CGREF1: variants seen among roughly 807,000 people sequenced by gnomAD.
The protein encoded by CGREF1 is cell growth regulator with EF hand domain protein 1.
A neutral mutation model predicts 17.4 loss-of-function variants in CGREF1; 16 were observed. The ratio of observed to expected loss-of-function variants is 0.92; its 90% CI spans 0.62 to 1.40. The LOEUF (loss-of-function observed/expected upper bound fraction) is 1.40, where lower values mean the gene tolerates loss of function less well. Ranked by LOEUF, CGREF1 falls within the 40% of genes most tolerant of loss-of-function variation. The pLI, the probability that CGREF1 is intolerant of heterozygous loss-of-function variation, is 0.00. For synonymous variants in CGREF1, 142 were observed against 154.6 expected (o/e 0.92, Z 0.61); for missense variants, 296 against 376.4 (o/e 0.79, Z 1.77).
Position 27,102,575 on chromosome 2 carries a change from G to T in CGREF1, c.97C>A (p.Gln33Lys), listed in dbSNP as rs781544644. 3 of 1,612,942 alleles carry T rather than the reference G, an allele frequency of 1.9e-6. No homozygotes were observed. The highest frequency in any genetic ancestry group is 2.5e-6 in the Non-Finnish European group (3 of 1,179,810). Residue 33 changes from glutamine to lysine, a missense_variant, in exon 3 of 6, where the codon CAG (glutamine) becomes AAG (lysine). By Grantham distance (53) the Gln-to-Lys change is moderately conservative. Around this residue, in one of 3 missense-constraint regions of CGREF1, gnomAD observed 247 missense variants for 267.2 expected, o/e 0.92. Transcript: ENST00000402394. ...DGVTRPDSEV[Q>K]HQLLPNPFQP... ...AAGGGGTTGGGCAGGAGCTGATGCT[G>T]CACTTCAGAGTCTGGCCTGGAGGAG...
intron 1 of CGREF1, among the ~76,000 whole-genome samples, chr2:27,117,884 T>A (rs965697202): frequency 6.6e-5 from 10 of 151,864 alleles, no homozygotes; most frequent in African/African-American, 2.4e-4. Context: ...CCTGGCTAAA[T>A]TTTTTTTGTA....
rs1206736210 is a variant in CGREF1, at chr2:27,110,233, G to A, written c.-11-5856C>T. The stretch of plus-strand genomic sequence containing the variant: ...GCCTGGGCAACACCCTGTCTCTACA[G>A]AAAATAATTTTTAAAAAAATTAGCT... On this transcript the variant is annotated intron_variant, in intron 1 of 5. Transcript: ENST00000402394. Among the ~76,000 whole-genome samples, 3 of 151,956 alleles carry A rather than the reference G, an allele frequency of 2.0e-5. No homozygotes were observed. The East Asian group carries it at 5.8e-4, about 29-fold the overall frequency.
intron 1 of CGREF1, among the ~76,000 whole-genome samples, chr2:27,116,498 G>C (rs1671567817): frequency 6.6e-6 from 1 of 151,614 alleles, no homozygotes; most frequent in Non-Finnish European, 1.5e-5. Flanking sequence ...TTGCACTCCA[G>C]CTGGGGTCAC....
chr2:27,117,834 G>C (rs1671641341), intron 1 of CGREF1, among the ~76,000 whole-genome samples: 1 of 151,176 alleles, frequency 6.6e-6, no homozygotes, highest in Non-Finnish European at 1.5e-5. Context: ...TCCTGCCTCA[G>C]CCTCCCGAGT....
At chr2:27,107,011 T>C (rs1671146479) in intron 1 of CGREF1, among the ~76,000 whole-genome samples, 1 of 152,212 alleles carries the variant, frequency 6.6e-6, no homozygotes, top group Admixed American at 6.5e-5. Flanking sequence ...ACCTGGTTGA[T>C]GGCACCCCCA....
chr2:27,116,898 TC>T (rs1433564772), intron 1 of CGREF1, among the ~76,000 whole-genome samples: 55 of 128,592 alleles, frequency 4.3e-4, no homozygotes, highest in Non-Finnish European at 7.6e-4. Context: ...TCTCTCTCTC[TC>T]TCTCTCTCTC....
In CGREF1 at chr2:27,119,102, C is replaced by G. The variant is rs1358843584; in HGVS notation, c.-268G>C. Reference sequence around the variant, plus strand: ...TGCGCCCGCGGCCGGAGGGGCTGCGCGCGCCCGTGTGAGTGTGCGCGTGTG... The same window carrying G: ...TGCGCCCGCGGCCGGAGGGGCTGCGGGCGCCCGTGTGAGTGTGCGCGTGTG... On this transcript the variant is annotated 5_prime_UTR_variant, in exon 1 of 6. Coordinates refer to ENST00000402394, the MANE Select transcript of CGREF1 (RefSeq NM_006569.6). The surrounding 1 kb of genome is among the most constrained non-coding windows in gnomAD (Gnocchi z 5.6). The G allele has an allele frequency of 6.6e-6, 1 of 152,362 alleles. No individual in the cohort carries two copies. The highest frequency in any genetic ancestry group is 1.5e-5 in the Non-Finnish European group (1 of 68,012). The allele number at this position is 152,362 out of a possible 1,614,324, so 9.4% of individuals were successfully genotyped here. A position where few individuals can be genotyped will look rare whatever the true frequency, so the allele number is the denominator to read the frequency against.
chr2:27,110,136 T>C (rs1489257093), intron 1 of CGREF1, among the ~76,000 whole-genome samples: 1 of 151,702 alleles, frequency 6.6e-6, no homozygotes, highest in Non-Finnish European at 1.5e-5. Context: ...GGTGGGAGGA[T>C]CACTTGAGCC....
At chr2:27,100,500 C>T (rs576893423), downstream of CGREF1, 303 of 1,291,016 alleles carry the variant, frequency 2.3e-4, 3 homozygotes, top group South Asian at 3.5e-3. Context: ...ATCTGGAACA[C>T]ATATTGGAAT....
downstream of CGREF1, chr2:27,099,906 G>A: frequency 1.3e-6 from 2 of 1,502,916 alleles, no homozygotes. Flanking sequence ...CCCACAGGGA[G>A]AGGCTCTGGG....
rs748084821 is a variant in CGREF1, at chr2:27,100,986, G to A, written c.*288C>T. The A allele has an allele frequency of 1.4e-5, 17 of 1,220,730 alleles. No homozygotes were observed. In the South Asian group the frequency reaches 3.9e-4, roughly 28 times the overall value. 75.6% of individuals were successfully genotyped at this position (1,220,730 alleles called of 1,614,324 possible). A position where few individuals can be genotyped will look rare whatever the true frequency, so the allele number is the denominator to read the frequency against. On this transcript the variant is annotated 3_prime_UTR_variant, in exon 6 of 6. Transcript: ENST00000402394. ...GAGCACCGTGAGGCCCAGAAACACT[G>A]GGCAGGCGGCATCCCTGTCCTTTCG...
chr2:27,100,087 G>A (rs1445435188), downstream of CGREF1: 4 of 590,604 alleles, frequency 6.8e-6, no homozygotes, highest in African/African-American at 7.5e-5. Context: ...CCCAGAGGAG[G>A]GGCTGCCTGG....
intron 1 of CGREF1, 138 bp from the exon 2 acceptor site, chr2:27,104,515 G>A (rs776015893): frequency 2.6e-6 from 4 of 1,551,146 alleles, no homozygotes; most frequent in Non-Finnish European, 3.5e-6. Context: ...GCTCAGGGAG[G>A]ACTCACAGAC....
At chr2:27,102,985 G>C (rs1454717153) in intron 2 of CGREF1, 1 of 985,236 alleles carries the variant, frequency 1.0e-6, no homozygotes, top group East Asian at 1.1e-4. Flanking sequence ...GCTGAGCCTG[G>C]TGGCACTGCC....
chr2:27,102,434 T>A lies in CGREF1; in HGVS notation c.147-4A>T, dbSNP rs1204925364. ...CTTTAGGTAGCTCTGCAGAAGTCTG[T>A]CAGAAAAGTGGAGAATCAGCCCGGG... On this transcript the variant is annotated splice_polypyrimidine_tract_variant and splice_region_variant and intron_variant, in intron 3 of 5. Transcript: ENST00000402394. 1.2e-6 allele frequency: 2 copies of A among 1,613,878 alleles called. No individual in the cohort carries two copies. The highest frequency in any genetic ancestry group is 1.7e-6 in the Non-Finnish European group (2 of 1,179,894).
At chr2:27,118,515 G>T (rs1040421542) in intron 1 of CGREF1, among the ~76,000 whole-genome samples, 1 of 152,140 alleles carries the variant, frequency 6.6e-6, no homozygotes, top group African/African-American at 2.4e-5. Flanking sequence ...CTTCCCCGTC[G>T]GATGAGGGGG....
In CGREF1 at chr2:27,104,288, T is replaced by C. The variant is rs749790788; in HGVS notation, c.79A>G (p.Arg27Gly). The change falls in exon 2 of 6, where the codon AGG (arginine) becomes GGG (glycine). Residue 27 changes from arginine to glycine, a missense_variant and splice_region_variant. Physicochemically the swap from Arg to Gly is moderately radical, Grantham distance 125. This residue lies in a region of CGREF1 where 247 missense variants were observed against 267.2 expected (regional missense o/e 0.92). Transcript: ENST00000402394. ...GQAAPKDGVT[R>G]PDSEVQHQLL... Reference sequence around the variant, plus strand: ...GCCCTGCCCTCATAACCCTGTTACCTTGTGACTCCATCCTTTGGGGCAGCC... The same window carrying C: ...GCCCTGCCCTCATAACCCTGTTACCCTGTGACTCCATCCTTTGGGGCAGCC... 4.5e-6 allele frequency: 7 copies of C among 1,556,880 alleles called. No individual in the cohort carries two copies. Among genetic ancestry groups the C allele is most frequent in the South Asian group, 3.7e-5 (3 of 80,138 alleles).
At chr2:27,116,913 CTCTCTCTCTCTT>C (rs1278973468) in intron 1 of CGREF1, among the ~76,000 whole-genome samples, 33 of 81,456 alleles carry the variant, frequency 4.1e-4, no homozygotes, top group African/African-American at 1.2e-3. Flanking sequence ...CTCTCTCTCT[CTCTCTCTCTCTT>C]TTTTTGAGAC....
At chr2:27,110,134 G>T (rs758993824) in intron 1 of CGREF1, among the ~76,000 whole-genome samples, 14 of 152,032 alleles carry the variant, frequency 9.2e-5, no homozygotes, top group Non-Finnish European at 1.3e-4. Context: ...GAGGTGGGAG[G>T]ATCACTTGAG....
Sources: gnomAD v4.1 joint callset for allele counts (sites outside exome capture counted in the v4.1 genomes callset) on GRCh38, gnomAD v4.1.1 for gene constraint, gnomAD v4.1.1 regional missense constraint, Gnocchi (gnomAD v3.1) non-coding constraint, MANE v1.5 for transcripts, NCBI Gene and HGNC (gene_info 2026-07-23, HGNC 2026-07-21) for gene names.